NSMCE2: variants seen among roughly 807,000 people sequenced by gnomAD.
The protein encoded by NSMCE2 is NSE2 SUMO ligase component of SMC5/6 complex.
Under a neutral mutation model 23.8 loss-of-function variants are expected in NSMCE2, and 24 were observed. That is an observed-to-expected ratio of 1.01 (90% CI 0.73 to 1.42). NSMCE2 has a LOEUF of 1.42. Among genes scored for constraint, NSMCE2 ranks in the 40% most tolerant of loss-of-function variants. The probability of loss-of-function intolerance (pLI) is 0.00; values close to 1 mark genes in which losing one functional copy is unlikely to be tolerated. For missense variants in NSMCE2, 284 were observed against 296.5 expected (o/e 0.96, Z 0.31); for synonymous variants, 92 against 94.1 (o/e 0.98, Z 0.13).
At chr8:125,185,050 C>A (rs1247830922) in intron 5 of NSMCE2, among the ~76,000 whole-genome samples, 1 of 152,166 alleles carries the variant, frequency 6.6e-6, no homozygotes, top group Non-Finnish European at 1.5e-5. Context: ...TCTTCACTAA[C>A]TTTATTATAT....
At chr8:125,341,653 A>G (rs1302879928) in intron 5 of NSMCE2, among the ~76,000 whole-genome samples, 1 of 152,180 alleles carries the variant, frequency 6.6e-6, no homozygotes, top group Non-Finnish European at 1.5e-5. Context: ...AGAAGAAGAA[A>G]GTGATAGCCT....
At chr8:125,142,849 G>T (rs868465975) in intron 3 of NSMCE2, among the ~76,000 whole-genome samples, 1 of 152,070 alleles carries the variant, frequency 6.6e-6, no homozygotes, top group African/African-American at 2.4e-5. Flanking sequence ...TGATCCACCC[G>T]CCTCAGCCTC....
intron 5 of NSMCE2, among the ~76,000 whole-genome samples, chr8:125,308,725 T>G (rs776415381): frequency 2.6e-5 from 4 of 152,204 alleles, no homozygotes; most frequent in Non-Finnish European, 5.9e-5. Context: ...CCTCCCCTTT[T>G]TCAAGCCACA....
At chr8:125,124,678 A>T (rs1237482150) in intron 3 of NSMCE2, among the ~76,000 whole-genome samples, 1 of 151,798 alleles carries the variant, frequency 6.6e-6, no homozygotes, top group East Asian at 1.9e-4. Context: ...AGGTCTTGCT[A>T]TGTTGGATTG....
At chr8:125,165,168 A>G (rs1331732584) in intron 4 of NSMCE2, among the ~76,000 whole-genome samples, 1 of 152,202 alleles carries the variant, frequency 6.6e-6, no homozygotes, top group Non-Finnish European at 1.5e-5. Context: ...CCTTATCTGT[A>G]AAAAGAGAAC....
intron 3 of NSMCE2, among the ~76,000 whole-genome samples, chr8:125,143,765 A>G (rs965559285): frequency 2.4e-4 from 37 of 152,202 alleles, no homozygotes; most frequent in African/African-American, 8.7e-4. Context: ...TCAGAGACAT[A>G]AAGTTGGAAG....
chr8:125,144,877 A>G (rs905592373), intron 3 of NSMCE2, among the ~76,000 whole-genome samples: 3 of 152,140 alleles, frequency 2.0e-5, no homozygotes, highest in Non-Finnish European at 2.9e-5. Flanking sequence ...CAATACCTCA[A>G]AAAGAGAGAA....
chr8:125,304,776 A>T (rs1302621474), intron 5 of NSMCE2, among the ~76,000 whole-genome samples: 1 of 151,670 alleles, frequency 6.6e-6, no homozygotes. Flanking sequence ...AAGTCTCATC[A>T]CTGATTCTCA....
intron 5 of NSMCE2, among the ~76,000 whole-genome samples, chr8:125,319,667 A>G (rs1156243631): frequency 1.3e-5 from 2 of 152,172 alleles, no homozygotes; most frequent in Admixed American, 1.3e-4. Context: ...GCAGAAGAGA[A>G]GACTAGTGAA....
intron 3 of NSMCE2, among the ~76,000 whole-genome samples, chr8:125,108,333 G>A (rs377104214): frequency 3.9e-5 from 6 of 152,304 alleles, no homozygotes; most frequent in African/African-American, 1.4e-4. Context: ...AGGACCCAGA[G>A]AGTAGGAAAA....
At chr8:125,295,370 C>G (rs892455607) in intron 5 of NSMCE2, among the ~76,000 whole-genome samples, 1 of 151,970 alleles carries the variant, frequency 6.6e-6, no homozygotes, top group East Asian at 1.9e-4. Flanking sequence ...TCCAAAAGGG[C>G]CATTTGATAA....
chr8:125,094,947 G>A (rs1447948406), intron 1 of NSMCE2, among the ~76,000 whole-genome samples: 2 of 152,116 alleles, frequency 1.3e-5, no homozygotes, highest in Non-Finnish European at 2.9e-5. Flanking sequence ...TCAACCTCCC[G>A]GCTCAAGCGA....
intron 5 of NSMCE2, among the ~76,000 whole-genome samples, chr8:125,224,507 A>T (rs534183988): frequency 1.3e-5 from 2 of 152,298 alleles, no homozygotes; most frequent in South Asian, 4.1e-4. Flanking sequence ...GTCTAATTTC[A>T]TTCTTCTGCA....
At chr8:125,348,231 A>G (rs1419652182) in intron 5 of NSMCE2, 1 of 152,182 alleles carries the variant, frequency 6.6e-6, no homozygotes, top group Non-Finnish European at 1.5e-5. Context: ...GTTGATTTTA[A>G]TAAATACCTA....
intron 5 of NSMCE2, among the ~76,000 whole-genome samples, chr8:125,188,008 C>T (rs1823181242): frequency 6.6e-6 from 1 of 152,076 alleles, no homozygotes; most frequent in Non-Finnish European, 1.5e-5. Flanking sequence ...GGTTATAAAT[C>T]ATTTTGAATG....
intron 5 of NSMCE2, among the ~76,000 whole-genome samples, chr8:125,188,477 A>G (rs1328082928): frequency 6.6e-6 from 1 of 152,172 alleles, no homozygotes; most frequent in Admixed American, 6.5e-5. Context: ...TGTTGCTGTG[A>G]GTGGGTGTGG....
chr8:125,298,421 A>C (rs1014234612), intron 5 of NSMCE2, among the ~76,000 whole-genome samples: 39 of 152,344 alleles, frequency 2.6e-4, no homozygotes, highest in African/African-American at 8.9e-4. Flanking sequence ...ACACTTGCCC[A>C]AAGTCACCCA....
rs543233741 is a variant in NSMCE2, at chr8:125,319,552, G to A, written c.419-37667G>A. ...GTGTGTGTGGGCAGTGGGGGTGTAT[G>A]TCTTTACATATGTAAAGACCCAATA... is the stretch of plus-strand genomic sequence containing the variant. On this transcript the variant is annotated intron_variant, in intron 5 of 7. Coordinates refer to ENST00000287437, the MANE Select transcript of NSMCE2 (RefSeq NM_173685.4). Among the ~76,000 whole-genome samples, 5 of 152,222 alleles carry A rather than the reference G, an allele frequency of 3.3e-5. No homozygotes were observed. The South Asian group carries it at 1.0e-3, about 32-fold the overall frequency.
At chr8:125,298,691 T>G (rs1828428172) in intron 5 of NSMCE2, among the ~76,000 whole-genome samples, 1 of 75,598 alleles carries the variant, frequency 1.3e-5, no homozygotes, top group Non-Finnish European at 2.7e-5. Context: ...CTGTGGGTTT[T>G]TTTTTGTTTT....
Sources: allele counts gnomAD v4.1 joint callset (sites outside exome capture counted in the v4.1 genomes callset), GRCh38; gene constraint gnomAD v4.1.1; transcripts MANE v1.5; gene names NCBI Gene and HGNC (gene_info 2026-07-23, HGNC 2026-07-21).